Variants in EFCAB5 observed in about 807,000 individuals in gnomAD.
The protein encoded by EFCAB5 is EF-hand calcium binding domain 5, also known as EF-hand calcium-binding domain-containing protein 5.
Under a neutral mutation model 167.9 loss-of-function variants are expected in EFCAB5, and 131 were observed. The ratio of observed to expected loss-of-function variants is 0.78; its 90% CI spans 0.68 to 0.90. The LOEUF (loss-of-function observed/expected upper bound fraction) is 0.90, where lower values mean the gene tolerates loss of function less well. Ranked by LOEUF, EFCAB5 falls within the 40% of genes least tolerant of loss-of-function variation. The pLI, the probability that EFCAB5 is intolerant of heterozygous loss-of-function variation, is 0.00. For synonymous variants in EFCAB5, 574 were observed against 602.8 expected (o/e 0.95, Z 0.70); for missense variants, 1,663 against 1,745.2 (o/e 0.95, Z 0.84).
intron 3 of EFCAB5, among the ~76,000 whole-genome samples, chr17:29,963,558 T>C (rs754224570): frequency 2.0e-5 from 3 of 152,232 alleles, no homozygotes; most frequent in African/African-American, 4.8e-5. Flanking sequence ...TCTATCCTCA[T>C]AGAAAGAATT....
At chr17:29,938,852 C>G (rs955347774), upstream of EFCAB5, among the ~76,000 whole-genome samples, 3 of 152,176 alleles carry the variant, frequency 2.0e-5, no homozygotes, top group Admixed American at 6.5e-5. Flanking sequence ...TCCTGGGGCC[C>G]TCAAAGTCAT....
chr17:30,082,752 T>G (rs1342798619), intron 17 of EFCAB5, 139 bp from the exon 18 acceptor site: 24 of 915,370 alleles, frequency 2.6e-5, no homozygotes, highest in Non-Finnish European at 3.6e-5. Flanking sequence ...CACTGCCCTT[T>G]GAGGACTGCT....
intron 3 of EFCAB5, among the ~76,000 whole-genome samples, chr17:29,966,661 A>G (rs909457106): frequency 6.6e-6 from 1 of 152,142 alleles, no homozygotes; most frequent in Non-Finnish European, 1.5e-5. Flanking sequence ...AGGTTTCTCT[A>G]CTGTAAAGTT....
At chr17:30,008,058 T>C (rs2068810476) in intron 7 of EFCAB5, among the ~76,000 whole-genome samples, 2 of 88,390 alleles carry the variant, frequency 2.3e-5, no homozygotes, top group African/African-American at 1.0e-4. Flanking sequence ...CCCAATCTAT[T>C]AAGTCAATAG....
chr17:29,964,130 T>C (rs965501999), intron 3 of EFCAB5, among the ~76,000 whole-genome samples: 3 of 152,154 alleles, frequency 2.0e-5, no homozygotes, highest in Non-Finnish European at 4.4e-5. Context: ...ATTCCTTTTT[T>C]TTTCAGGTAT....
intron 6 of EFCAB5, among the ~76,000 whole-genome samples, chr17:29,999,689 CT>C (rs1234763300): frequency 2.7e-5 from 4 of 150,464 alleles, no homozygotes; most frequent in Non-Finnish European, 4.4e-5. Context: ...AATATAGGCT[CT>C]TTTTTTTTAG....
chr17:29,956,754 T>C (rs572446333), intron 3 of EFCAB5, among the ~76,000 whole-genome samples: 44 of 152,126 alleles, frequency 2.9e-4, no homozygotes, highest in African/African-American at 9.9e-4. Context: ...ATTCCGTTAA[T>C]ATGAGGTTCA....
In EFCAB5 at chr17:29,996,351, T is replaced by G; in HGVS notation, c.964T>G (p.Phe322Val). 6.4e-7 allele frequency: 1 copy of G among 1,551,294 alleles called. No homozygotes were observed. Among genetic ancestry groups the G allele is most frequent in the Non-Finnish European group, 8.7e-7 (1 of 1,146,952 alleles). Residue 322 changes from phenylalanine (F) to valine (V), a missense_variant, in exon 6 of 23, where the codon TTC (phenylalanine) becomes GTC (valine). Physicochemically the swap from Phe to Val is conservative, Grantham distance 50 (BLOSUM62 -1). Coordinates refer to ENST00000394835, the MANE Select transcript of EFCAB5 (RefSeq NM_198529.4). ...TCAAGAATTCTTTCAAAATCCAGAT[T>G]TCAAGCTTGGTAAGTCTGCCTATTA... is the stretch of plus-strand genomic sequence containing the variant. ...VLQEFFQNPD[F>V]KLGSHCKQLD...
chr17:30,074,937 C>CTG (rs148311884), intron 14 of EFCAB5, among the ~76,000 whole-genome samples: 14 of 151,362 alleles, frequency 9.2e-5, no homozygotes, highest in South Asian at 2.1e-4. Flanking sequence ...GATGTAGAAA[C>CTG]TGTGTGTGTG....
chr17:29,936,421 G>A (rs1333982541), intron 1 of EFCAB5, among the ~76,000 whole-genome samples: 2 of 152,186 alleles, frequency 1.3e-5, no homozygotes, highest in South Asian at 2.1e-4. Context: ...AAACCTGCAC[G>A]TTGTGCACAT....
intron 7 of EFCAB5, among the ~76,000 whole-genome samples, chr17:30,010,771 T>C (rs2068879105): frequency 6.6e-6 from 1 of 152,238 alleles, no homozygotes; most frequent in Non-Finnish European, 1.5e-5. Context: ...TTCACTTTGA[T>C]GGTAGTTTCT....
chr17:29,984,723 C>CAATA (rs1391750318), intron 4 of EFCAB5, among the ~76,000 whole-genome samples: 1 of 151,940 alleles, frequency 6.6e-6, no homozygotes, highest in African/African-American at 2.4e-5. Context: ...CATCTCAAAA[C>CAATA]AATAAATAAA....
At chr17:29,937,897 T>C (rs56159529), upstream of EFCAB5, among the ~76,000 whole-genome samples, 4,470 of 152,290 alleles carry the variant, frequency 0.029, 203 homozygotes, top group African/African-American at 0.1. Flanking sequence ...TGTTTAGATA[T>C]CTCTGAAAAA....
At position 29,969,040 on chromosome 17, in the gene EFCAB5, C is replaced by T. The variant is rs1567684867; in HGVS notation, c.440C>T (p.Ala147Val). Reference protein sequence around the residue: ...ENLKKELEKKAEKKLPRDNLA... With the variant: ...ENLKKELEKKVEKKLPRDNLA... ...CTGAAGAAGGAACTAGAAAAAAAGGCTGAAAAAAAACTCCCTAGGGATAAT... is the reference window on the plus strand; with the variant it reads ...CTGAAGAAGGAACTAGAAAAAAAGGTTGAAAAAAAACTCCCTAGGGATAAT... The change falls in exon 4 of 23, where the codon GCT (alanine) becomes GTT (valine). Residue 147 changes from alanine to valine, a missense_variant. Coordinates refer to ENST00000394835, the MANE Select transcript of EFCAB5 (RefSeq NM_198529.4). The T allele has an allele frequency of 1.3e-6, 2 of 1,597,634 alleles. No individual in the cohort carries two copies. Among genetic ancestry groups the T allele is most frequent in the Non-Finnish European group, 1.7e-6 (2 of 1,173,564 alleles).
chr17:30,103,458 A>T (rs1884115573), intron 22 of EFCAB5, among the ~76,000 whole-genome samples: 1 of 152,282 alleles, frequency 6.6e-6, no homozygotes, highest in Admixed American at 6.5e-5. Flanking sequence ...GACACTGTAC[A>T]GAAATATGCT....
At chr17:29,983,007 C>T (rs2068209199) in intron 4 of EFCAB5, among the ~76,000 whole-genome samples, 1 of 152,204 alleles carries the variant, frequency 6.6e-6, no homozygotes, top group Non-Finnish European at 1.5e-5. Flanking sequence ...GCTTTTGCTG[C>T]ATAACAAAAT....
At chr17:30,002,949 T>A (rs2068693360) in intron 7 of EFCAB5, among the ~76,000 whole-genome samples, 1 of 152,212 alleles carries the variant, frequency 6.6e-6, no homozygotes, top group African/African-American at 2.4e-5. Flanking sequence ...TTAATTTTCC[T>A]CAGTAGGTAA....
chr17:29,948,609 A>G (rs1287326940), intron 3 of EFCAB5, among the ~76,000 whole-genome samples: 1 of 152,204 alleles, frequency 6.6e-6, no homozygotes, highest in Admixed American at 6.5e-5. Context: ...AAGTGTCTTC[A>G]TCCTTGTTAC....
At chr17:29,932,162 T>C (rs2067205273) in intron 1 of EFCAB5, among the ~76,000 whole-genome samples, 1 of 151,534 alleles carries the variant, frequency 6.6e-6, no homozygotes, top group South Asian at 2.1e-4. Context: ...TTTTTTTTTT[T>C]TTTTTTGAGA....
Sources: allele counts gnomAD v4.1 joint callset (sites outside exome capture counted in the v4.1 genomes callset), GRCh38; gene constraint gnomAD v4.1.1; transcripts MANE v1.5; gene names NCBI Gene and HGNC (gene_info 2026-07-23, HGNC 2026-07-21).